SLC22A6: variants seen among roughly 807,000 people sequenced by gnomAD.
SLC22A6 encodes solute carrier family 22 member 6.
Under a neutral mutation model 56.7 loss-of-function variants are expected in SLC22A6, and 45 were observed. That is an observed-to-expected ratio of 0.79 (90% CI 0.63 to 1.02). SLC22A6 has a LOEUF of 1.02. Among genes scored for constraint, SLC22A6 ranks in the 50% least tolerant of loss-of-function variants. SLC22A6 has a pLI of 0.00. For synonymous variants in SLC22A6, 291 were observed against 295.9 expected (o/e 0.98, Z 0.17); for missense variants, 606 against 713.8 (o/e 0.85, Z 1.72).
Position 62,984,426 on chromosome 11 carries a change from G to A in SLC22A6, c.265C>T (p.Pro89Ser). The change falls in exon 1 of 10, where the codon CCC becomes TCC. Residue 89 changes from proline to serine, a missense_variant. Transcript: ENST00000360421. ...TTGGCTTCTGTGCCATTGAGAAAGG[G>A]CAGTCCCCACTGCGGGGAGGTGAAG... ...LRFTSPQWGL[P>S]FLNGTEANGT... The A allele has an allele frequency of 6.2e-7, 1 of 1,613,888 alleles. No individual in the cohort carries two copies. The highest frequency in any genetic ancestry group is 1.7e-5 in the Admixed American group (1 of 60,022).
rs1477587678 is a variant in SLC22A6 at position 62,978,588 on chromosome 11, C to A, written c.1361+900G>T. ...GATGGTCTTGCAGGATGGTCTTGAT[C>A]TCTTTTTTTTTTTTTTTTTTTGAGA... On this transcript the variant is annotated intron_variant, in intron 8 of 9. Transcript: ENST00000360421. Among the ~76,000 whole-genome samples the A allele has an allele frequency of 5.3e-5, 6 of 114,040 alleles. No individual in the cohort carries two copies. In the East Asian group the frequency reaches 1.2e-3, roughly 23 times the overall value. 74.8% of individuals were successfully genotyped at this position (114,040 alleles called of 152,430 possible).
Position 62,976,694 on chromosome 11 carries a change from A to G in SLC22A6, c.*100T>C. The G allele has an allele frequency of 2.0e-6, 2 of 987,812 alleles. No individual in the cohort carries two copies. The highest frequency in any genetic ancestry group is 3.2e-5 in the South Asian group (2 of 62,402). 61.2% of individuals were successfully genotyped at this position (987,812 alleles called of 1,614,324 possible). A position where few individuals can be genotyped will look rare whatever the true frequency, so the allele number is the denominator to read the frequency against. On this transcript the variant is annotated 3_prime_UTR_variant, in exon 10 of 10. Transcript: ENST00000360421. ...TGCTTTCCTGAACCACAACCCCCAC[A>G]CTTGGGTCACCATTTCCTCTTCCTC...
chr11:62,983,044 C>G lies in SLC22A6; in HGVS notation c.628+493G>C, dbSNP rs2086272435. Among the ~76,000 whole-genome samples the G allele has an allele frequency of 6.6e-6, 1 of 151,204 alleles. No homozygotes were observed. Among genetic ancestry groups the G allele is most frequent in the Admixed American group, 6.6e-5 (1 of 15,152 alleles). ...GGCTCTAACAATGGAGTTTGCAATC[C>G]TGCTTTTTTTTTTTTTTTGAGACAG... On this transcript the variant is annotated intron_variant, in intron 3 of 9. Coordinates refer to ENST00000360421, the MANE Select transcript of SLC22A6 (RefSeq NM_153276.3). The surrounding 1 kb of genome is among the most constrained non-coding windows in gnomAD (Gnocchi z 4.5).
intron 8 of SLC22A6, among the ~76,000 whole-genome samples, chr11:62,978,230 C>A (rs1413819612): frequency 2.0e-5 from 3 of 152,150 alleles, no homozygotes; most frequent in Non-Finnish European, 2.9e-5. Flanking sequence ...ACTTTGCAGA[C>A]CTTACAGGCC....
At chr11:62,976,975 C>T (rs1018101464) in intron 9 of SLC22A6, 94 bp from the exon 10 acceptor site, 1 of 1,506,052 alleles carries the variant, frequency 6.6e-7, no homozygotes, top group Non-Finnish European at 9.2e-7. Flanking sequence ...CTCAGCTATG[C>T]CTGGACACCT....
chr11:62,984,193 G>T (rs1356251343), intron 1 of SLC22A6, 129 bp downstream of exon 1: 1 of 1,301,434 alleles, frequency 7.7e-7, no homozygotes, highest in Non-Finnish European at 1.1e-6. Flanking sequence ...ACAGCTGAGA[G>T]CATTTTTCTT....
rs751689928 is a variant in SLC22A6, at chr11:62,977,255, G to A, written c.1494C>T (p.Ser498=). The A allele has an allele frequency of 2.6e-5, 42 of 1,614,022 alleles. No individual in the cohort carries two copies. The highest frequency in any genetic ancestry group is 3.1e-5 in the Non-Finnish European group (36 of 1,180,052). Residue 498 remains serine (S), a synonymous_variant, in exon 9 of 10, where the codon AGC becomes AGT. Coordinates refer to ENST00000360421, the MANE Select transcript of SLC22A6 (RefSeq NM_153276.3). The part of the protein sequence containing the change: ...FIYGAVPVAA[S]AVTVLLPETL... ...TCTCTGGCAGGAGGACAGTGACAGC[G>A]CTGGCGGCCACAGGAACAGCACCGT... is the stretch of plus-strand genomic sequence containing the variant.
At position 62,979,910 on chromosome 11, in the gene SLC22A6, T is replaced by G; in HGVS notation, c.1076A>C (p.Asp359Ala). 1 of 1,614,006 alleles carries G rather than the reference T, an allele frequency of 6.2e-7. No individual in the cohort carries two copies. The highest frequency in any genetic ancestry group is 1.3e-5 in the African/African-American group (1 of 74,970). Residue 359 changes from aspartate (D) to alanine (A), a missense_variant, in exon 7 of 10, where the codon GAC (aspartate) becomes GCC (alanine). Coordinates refer to ENST00000360421, the MANE Select transcript of SLC22A6 (RefSeq NM_153276.3). ...GATGCTGACTCCAAAGCCCTGCAGGTCCATGACCAGCCCATAGTATGCAAA... is the reference window on the plus strand; with the variant it reads ...GATGCTGACTCCAAAGCCCTGCAGGGCCATGACCAGCCCATAGTATGCAAA... ...TSFAYYGLVMDLQGFGVSIYL... is the reference protein window; with the variant it reads ...TSFAYYGLVMALQGFGVSIYL...
chr11:62,978,309 G>GTTTATTTTATTTTAT (rs57569773), intron 8 of SLC22A6, among the ~76,000 whole-genome samples: 12,654 of 133,218 alleles, frequency 0.095, 914 homozygotes, highest in East Asian at 0.17. Context: ...TCCCATTCTT[G>GTTTATTTTATTTTAT]TTTATTTTAT....
chr11:62,979,527 A>T lies in SLC22A6; in HGVS notation c.1322T>A (p.Ile441Asn). ...KGCLAASFNCIFLYTGELYPT... is the reference protein window; with the variant it reads ...KGCLAASFNCNFLYTGELYPT... ...ATACAGTTCCCCAGTATACAGGAAG[A>T]TGCAGTTGAAGGAGGCAGCCAGACA... The change falls in exon 8 of 10, where the codon ATC becomes AAC. Residue 441 changes from isoleucine to asparagine, a missense_variant. By Grantham distance (149) the Ile-to-Asn change is moderately radical. Coordinates refer to ENST00000360421, the MANE Select transcript of SLC22A6 (RefSeq NM_153276.3). 6.2e-7 allele frequency: 1 copy of T among 1,613,986 alleles called. No individual in the cohort carries two copies. The highest frequency in any genetic ancestry group is 8.5e-7 in the Non-Finnish European group (1 of 1,179,806).
At chr11:62,980,015 C>T in intron 6 of SLC22A6, 67 bp from the exon 7 acceptor site, 1 of 1,138,726 alleles carries the variant, frequency 8.8e-7, no homozygotes, top group Admixed American at 1.8e-5. Context: ...TCTTTCAAAA[C>T]AGTGGGGGAA....
At chr11:62,981,444 GGC>G in intron 4 of SLC22A6, 61 bp from the exon 5 acceptor site, 1 of 849,724 alleles carries the variant, frequency 1.2e-6, no homozygotes, top group Non-Finnish European at 1.8e-6. Flanking sequence ...CTGGGTGGGG[GGC>G]TGGGGCTGGG....
intron 9 of SLC22A6, 89 bp downstream of exon 9, chr11:62,977,095 G>A (rs2086197630): frequency 1.2e-6 from 2 of 1,606,194 alleles, no homozygotes; most frequent in African/African-American, 1.3e-5. Flanking sequence ...TGGGCTAGAA[G>A]AGGAAGCCTG....
At chr11:62,981,769 T>C (rs925969043) in intron 4 of SLC22A6, 73 bp downstream of exon 4, 2 of 1,426,108 alleles carry the variant, frequency 1.4e-6, no homozygotes, top group East Asian at 4.8e-5. Flanking sequence ...TGTGCTGAGC[T>C]CTGGGAGATG....
In SLC22A6 at chr11:62,983,927, C is replaced by T. The variant is rs757221660; in HGVS notation, c.473+17G>A. 1.3e-6 allele frequency: 2 copies of T among 1,577,468 alleles called. No individual in the cohort carries two copies. Among genetic ancestry groups the T allele is most frequent in the Non-Finnish European group, 1.7e-6 (2 of 1,148,540 alleles). On this transcript the variant is annotated intron_variant, in intron 2 of 9. Coordinates refer to ENST00000360421, the MANE Select transcript of SLC22A6 (RefSeq NM_153276.3). The surrounding 1 kb of genome is among the most constrained non-coding windows in gnomAD (Gnocchi z 4.5). Reference sequence around the variant, plus strand: ...ATCCCAGCCCAGCCCAGCCCCTTGACCCTACCCAGGACTGACCTGTCTGCA... The same window carrying T: ...ATCCCAGCCCAGCCCAGCCCCTTGATCCTACCCAGGACTGACCTGTCTGCA...
chr11:62,980,018 T>G, intron 6 of SLC22A6, 70 bp from the exon 7 acceptor site: 1 of 1,069,500 alleles, frequency 9.4e-7, no homozygotes, highest in Non-Finnish European at 1.4e-6. Flanking sequence ...TTCAAAACAG[T>G]GGGGGAACTG....
rs772275304 is a variant in SLC22A6, at chr11:62,984,017, G to GT, written c.399dup (p.Arg134ThrfsTer137). 1 of 1,613,596 alleles carries GT rather than the reference G, an allele frequency of 6.2e-7. No homozygotes were observed. Among genetic ancestry groups the GT allele is most frequent in the East Asian group, 2.2e-5 (1 of 44,844 alleles). The stretch of plus-strand genomic sequence containing the variant: ...ATGTACAAGGACTGGGCCAGCTGGC[G>GT]TAGGGCCCTGTGAGAGCACACAAGG... On this transcript the variant is annotated frameshift_variant, in exon 2 of 10. Coordinates refer to ENST00000360421, the MANE Select transcript of SLC22A6 (RefSeq NM_153276.3). LOFTEE classifies it high-confidence loss of function.
Position 62,984,215 on chromosome 11 carries a change from A to G in SLC22A6, c.369+107T>C. 3.6e-6 allele frequency: 5 copies of G among 1,406,926 alleles called. No individual in the cohort carries two copies. In the South Asian group the frequency reaches 5.5e-5, roughly 16 times the overall value. The allele number at this position is 1,406,926 out of a possible 1,614,324, so 87.2% of individuals were successfully genotyped here. A position where few individuals can be genotyped will look rare whatever the true frequency, so the allele number is the denominator to read the frequency against. On this transcript the variant is annotated intron_variant, in intron 1 of 9. Coordinates refer to ENST00000360421, the MANE Select transcript of SLC22A6 (RefSeq NM_153276.3). ...AGAGCATTTTTCTTTTTAACTCAGC[A>G]GTTAAAAAACTCAGCAGTTAATTTC...
At chr11:62,979,657 C>G in intron 7 of SLC22A6, 61 bp from the exon 8 acceptor site, 2 of 1,588,888 alleles carry the variant, frequency 1.3e-6, no homozygotes, top group Non-Finnish European at 1.7e-6. Context: ...GGAATTGGCC[C>G]CCTCCCTTCT....
Sources: gnomAD v4.1 joint callset for allele counts (sites outside exome capture counted in the v4.1 genomes callset) on GRCh38, gnomAD v4.1.1 for gene constraint, Gnocchi (gnomAD v3.1) non-coding constraint, MANE v1.5 for transcripts, NCBI Gene and HGNC (gene_info 2026-07-23, HGNC 2026-07-21) for gene names.